HS3ST3A1: variants seen among roughly 807,000 people sequenced by gnomAD.
The protein encoded by HS3ST3A1 is heparan sulfate glucosamine 3-O-sulfotransferase 3A1.
HS3ST3A1 carries 19 observed loss-of-function variants against 25.7 expected under a neutral mutation model. The ratio of observed to expected loss-of-function variants is 0.74; its 90% CI spans 0.52 to 1.08. The LOEUF is 1.08. Among genes scored for constraint, HS3ST3A1 ranks in the 50% least tolerant of loss-of-function variants. The pLI, the probability that HS3ST3A1 is intolerant of heterozygous loss-of-function variation, is 0.00. For synonymous variants in HS3ST3A1, 226 were observed against 278.6 expected (o/e 0.81, Z 1.88); for missense variants, 459 against 594.3 (o/e 0.77, Z 2.37).
At chr17:13,540,326 C>T (rs1355645396) in intron 1 of HS3ST3A1, among the ~76,000 whole-genome samples, 1 of 152,146 alleles carries the variant, frequency 6.6e-6, no homozygotes, top group Non-Finnish European at 1.5e-5. Context: ...ATTAAAGGTG[C>T]ATTAAAGCTC....
intron 1 of HS3ST3A1, among the ~76,000 whole-genome samples, chr17:13,563,139 C>A (rs1398102569): frequency 6.6e-6 from 1 of 151,474 alleles, no homozygotes; most frequent in African/African-American, 2.4e-5. Flanking sequence ...ACCTTCCCAG[C>A]CCTGCCTTCT....
chr17:13,511,957 T>C (rs79666906), intron 1 of HS3ST3A1, among the ~76,000 whole-genome samples: 3,635 of 152,286 alleles, frequency 0.024, 46 homozygotes, highest in African/African-American at 0.044. Flanking sequence ...TTACTTTAAT[T>C]CATATTTTGG....
intron 1 of HS3ST3A1, among the ~76,000 whole-genome samples, chr17:13,519,936 T>TA (rs1906178800): frequency 6.6e-6 from 1 of 152,174 alleles, no homozygotes; most frequent in Non-Finnish European, 1.5e-5. Flanking sequence ...TAGAACTTAT[T>TA]AGAGGTAGCA....
At chr17:13,585,750 G>T (rs949749334) in intron 1 of HS3ST3A1, among the ~76,000 whole-genome samples, 19 of 151,372 alleles carry the variant, frequency 1.3e-4, no homozygotes, top group Admixed American at 6.6e-5. Context: ...CCTTACTCCT[G>T]GGCTCCAGCT....
intron 1 of HS3ST3A1, among the ~76,000 whole-genome samples, chr17:13,577,751 T>C (rs1567628155): frequency 6.6e-6 from 1 of 152,238 alleles, no homozygotes; most frequent in Non-Finnish European, 1.5e-5. Context: ...AGATCCCTAC[T>C]AGAAAGTGCT....
chr17:13,590,901 C>G (rs1355964383), intron 1 of HS3ST3A1, among the ~76,000 whole-genome samples: 1 of 147,048 alleles, frequency 6.8e-6, no homozygotes, highest in African/African-American at 2.5e-5. Context: ...CGGGAGAGCA[C>G]TGGATTGGGG....
At chr17:13,581,466 C>CAA (rs71144975) in intron 1 of HS3ST3A1, among the ~76,000 whole-genome samples, 1,595 of 121,958 alleles carry the variant, frequency 0.013, 50 homozygotes, top group East Asian at 0.11. Flanking sequence ...GACTCTATCT[C>CAA]AAAAAAAAAA....
intron 1 of HS3ST3A1, among the ~76,000 whole-genome samples, chr17:13,504,559 A>G (rs1905594107): frequency 6.6e-6 from 1 of 152,202 alleles, no homozygotes; most frequent in African/African-American, 2.4e-5. Context: ...TGCTGGCTAC[A>G]GAAGCGTATC....
intron 1 of HS3ST3A1, among the ~76,000 whole-genome samples, chr17:13,532,104 C>A (rs372812171): frequency 8.5e-5 from 13 of 152,262 alleles, no homozygotes; most frequent in African/African-American, 3.1e-4. Context: ...GCACAATCAG[C>A]CAGATGACTT....
At chr17:13,579,205 A>T (rs1249777046) in intron 1 of HS3ST3A1, among the ~76,000 whole-genome samples, 3 of 152,102 alleles carry the variant, frequency 2.0e-5, no homozygotes. Flanking sequence ...TCATACAACC[A>T]TTTTGGACGT....
intron 1 of HS3ST3A1, among the ~76,000 whole-genome samples, chr17:13,537,386 T>C (rs1906801944): frequency 6.6e-6 from 1 of 152,262 alleles, no homozygotes; most frequent in Admixed American, 6.5e-5. Flanking sequence ...ACTTTCTATT[T>C]GGCAGGCTGC....
At chr17:13,576,993 G>C (rs138381875) in intron 1 of HS3ST3A1, among the ~76,000 whole-genome samples, 1,731 of 152,286 alleles carry the variant, frequency 0.011, 32 homozygotes, top group African/African-American at 0.04. Flanking sequence ...CCACATGGCT[G>C]GGGAGGCCTC....
At chr17:13,531,608 CTAAGCAAA>C (rs963086017) in intron 1 of HS3ST3A1, among the ~76,000 whole-genome samples, 2 of 149,570 alleles carry the variant, frequency 1.3e-5, no homozygotes, top group African/African-American at 4.9e-5. Flanking sequence ...TTGGCCCAGA[CTAAGCAAA>C]TCACCTTAAA....
At chr17:13,573,818 G>T (rs528606940) in intron 1 of HS3ST3A1, among the ~76,000 whole-genome samples, 2 of 152,274 alleles carry the variant, frequency 1.3e-5, no homozygotes, top group South Asian at 2.1e-4. Context: ...AGGCATGAGG[G>T]TGGAGCCTCC....
chr17:13,509,355 CAATA>C (rs1184326273), intron 1 of HS3ST3A1, among the ~76,000 whole-genome samples: 2 of 151,918 alleles, frequency 1.3e-5, no homozygotes, highest in East Asian at 1.9e-4. Context: ...TTCAACTGAA[CAATA>C]AATAGAGAAA....
At chr17:13,577,779 A>G (rs1434572419) in intron 1 of HS3ST3A1, among the ~76,000 whole-genome samples, 1 of 152,206 alleles carries the variant, frequency 6.6e-6, no homozygotes, top group African/African-American at 2.4e-5. Flanking sequence ...CCTAGTCAAT[A>G]TGACTACCAT....
chr17:13,557,869 C>T (rs1907424922), intron 1 of HS3ST3A1, among the ~76,000 whole-genome samples: 1 of 152,136 alleles, frequency 6.6e-6, no homozygotes, highest in Non-Finnish European at 1.5e-5. Flanking sequence ...AAATGTTCAT[C>T]GTTAACAAAA....
At chr17:13,579,711 AAAAAAAAAAAAAAAAAAT>A (rs1359311771) in intron 1 of HS3ST3A1, among the ~76,000 whole-genome samples, 1 of 140,186 alleles carries the variant, frequency 7.1e-6, no homozygotes, top group Non-Finnish European at 1.6e-5. Flanking sequence ...CAAAAAAAAA[AAAAAAAAAAAAAAAAAAT>A]CATAAGAAAT....
rs1218744188 is a variant in HS3ST3A1 at position 13,494,724 on chromosome 17, C to T, written c.*1473G>A. Among the ~76,000 whole-genome samples, 9 of 152,020 alleles carry T rather than the reference C, an allele frequency of 5.9e-5. No individual in the cohort carries two copies. The highest frequency in any genetic ancestry group is 1.0e-4 in the Non-Finnish European group (7 of 68,006). Reference sequence around the variant, plus strand: ...TGTTCCTCTCTAAACCAATTTAATTCCCATTAATGCTAATCTTGTTAATAC... The same window carrying T: ...TGTTCCTCTCTAAACCAATTTAATTTCCATTAATGCTAATCTTGTTAATAC... On this transcript the variant is annotated 3_prime_UTR_variant, in exon 2 of 2. Transcript: ENST00000284110.
Sources: allele counts gnomAD v4.1 joint callset (sites outside exome capture counted in the v4.1 genomes callset), GRCh38; gene constraint gnomAD v4.1.1; transcripts MANE v1.5; gene names NCBI Gene and HGNC (gene_info 2026-07-23, HGNC 2026-07-21).